Variants in MEN1 observed in about 807,000 individuals in gnomAD.
MEN1 encodes menin 1, also known as menin.
MEN1 carries 6 observed loss-of-function variants against 58.0 expected under a neutral mutation model. The ratio of observed to expected loss-of-function variants is 0.10; its 90% CI spans 0.06 to 0.20. The LOEUF (loss-of-function observed/expected upper bound fraction) is 0.20. Among genes scored for constraint, MEN1 ranks in the 10% least tolerant of loss-of-function variants. MEN1 has a pLI of 1.00. For synonymous variants in MEN1, 346 were observed against 350.7 expected (o/e 0.99, Z 0.15); for missense variants, 492 against 818.5 (o/e 0.60, Z 4.87).
chr11:64,807,068 A>T lies in MEN1; in HGVS notation c.855T>A (p.Asp285Glu). ...CAGGGGTGGGCTCCAGCTCCTCTAG[A>T]TCTGCCAGGTTCCCTAAGGCCATGG... The part of the protein sequence containing the change: ...RYPMALGNLA[D>E]LEELEPTPGR... The change falls in exon 6 of 10, where the codon GAT becomes GAA. Residue 285 changes from aspartate (D) to glutamate (E), a missense_variant. Around this residue, in one of 5 missense-constraint regions of MEN1, gnomAD observed 335 missense variants for 550.3 expected, o/e 0.61. Transcript: ENST00000450708. The surrounding 1 kb of genome is among the most constrained non-coding windows in gnomAD (Gnocchi z 4.9). The T allele has an allele frequency of 6.2e-7, 1 of 1,613,890 alleles. No homozygotes were observed. Among genetic ancestry groups the T allele is most frequent in the Non-Finnish European group, 8.5e-7 (1 of 1,180,000 alleles).
At chr11:64,805,272 C>T (rs909839950) in intron 8 of MEN1, 74 bp from the exon 9 acceptor site, 2 of 1,535,372 alleles carry the variant, frequency 1.3e-6, no homozygotes, top group East Asian at 2.3e-5. Context: ...GCCAGGCCCC[C>T]CACCTAGGCA....
At position 64,804,253 on chromosome 11, in the gene MEN1, TG is replaced by T. The variant is rs1352103616; in HGVS notation, c.*80del. 4 of 1,590,956 alleles carry T rather than the reference TG, an allele frequency of 2.5e-6. No individual in the cohort carries two copies. The highest frequency in any genetic ancestry group is 3.3e-5 in the Admixed American group (2 of 59,968). On this transcript the variant is annotated 3_prime_UTR_variant, in exon 10 of 10. Transcript: ENST00000450708. This position sits in a 1 kb window ranked among gnomAD's most constrained non-coding sequence, Gnocchi z 4.2. ...GAGGTGAGGCCTGTCCCCTTTGGGCTGGGGGCAGAACATGGGCTCAGAGTTG... is the reference window on the plus strand; with the variant it reads ...GAGGTGAGGCCTGTCCCCTTTGGGCTGGGGCAGAACATGGGCTCAGAGTTG...
Position 64,808,003 on chromosome 11 carries a change from T to C in MEN1, c.542A>G (p.His181Arg), listed in dbSNP as rs1941861451. The change falls in exon 3 of 10, where the codon CAT (histidine) becomes CGT (arginine). Residue 181 changes from histidine to arginine, a missense_variant. By Grantham distance (29) the His-to-Arg change is conservative. Transcript: ENST00000450708. ...ATTGGGCCCAAACACTACCCAGGCATGATCCTCAGACAGGGCGAGGTGGAC... is the reference window on the plus strand; with the variant it reads ...ATTGGGCCCAAACACTACCCAGGCACGATCCTCAGACAGGGCGAGGTGGAC... Reference protein sequence around the residue: ...RDVHLALSEDHAWVVFGPNGE... With the variant: ...RDVHLALSEDRAWVVFGPNGE... 1.9e-6 allele frequency: 3 copies of C among 1,614,144 alleles called. No individual in the cohort carries two copies. Among genetic ancestry groups the C allele is most frequent in the Non-Finnish European group, 2.5e-6 (3 of 1,180,024 alleles).
In MEN1 at chr11:64,805,835, A is replaced by T. The variant is rs537795635; in HGVS notation, c.1050-65T>A. The T allele has an allele frequency of 6.3e-7, 1 of 1,589,262 alleles. No individual in the cohort carries two copies. Among genetic ancestry groups the T allele is most frequent in the Non-Finnish European group, 8.6e-7 (1 of 1,158,700 alleles). On this transcript the variant is annotated intron_variant, in intron 7 of 9. Coordinates refer to ENST00000450708, the MANE Select transcript of MEN1 (RefSeq NM_001370259.2). ...CTCACCATCGGGGGTAGCCCCAGGGACCTGGCGGGGGATGGAGCCCCCAGG... is the reference window on the plus strand; with the variant it reads ...CTCACCATCGGGGGTAGCCCCAGGGTCCTGGCGGGGGATGGAGCCCCCAGG...
In MEN1 at chr11:64,807,868, A is replaced by G. The variant is rs2136147292; in HGVS notation, c.654+23T>C. On this transcript the variant is annotated intron_variant, in intron 3 of 9. Transcript: ENST00000450708. This position sits in a 1 kb window ranked among gnomAD's most constrained non-coding sequence, Gnocchi z 4.9. Reference sequence around the variant, plus strand: ...GGGCTACTACAGTATGAAGGGGACAAGGCTGGGGGGAGGGAACAATACCCG... The same window carrying G: ...GGGCTACTACAGTATGAAGGGGACAGGGCTGGGGGGAGGGAACAATACCCG... The G allele has an allele frequency of 6.2e-7, 1 of 1,613,712 alleles. No individual in the cohort carries two copies.
intron 1 of MEN1, 188 bp downstream of exon 1, chr11:64,810,326 C>G (rs1367423704): frequency 1.7e-6 from 1 of 589,138 alleles, no homozygotes; most frequent in African/African-American, 1.9e-5. Flanking sequence ...CCTTTTTGTC[C>G]CCCACAATTC....
At chr11:64,808,954 G>GA (rs11335918) in intron 2 of MEN1, among the ~76,000 whole-genome samples, 14 of 129,868 alleles carry the variant, frequency 1.1e-4, no homozygotes, top group East Asian at 4.5e-4. Context: ...GACGCCGTCT[G>GA]AAAAAAAAAA....
At chr11:64,805,286 AC>A in intron 8 of MEN1, 88 bp from the exon 9 acceptor site, 1 of 1,461,102 alleles carries the variant, frequency 6.8e-7, no homozygotes, top group South Asian at 1.3e-5. Flanking sequence ...CTAGGCAAAG[AC>A]CCCTGGCTCC....
chr11:64,809,326 C>T (rs1208334434), intron 2 of MEN1, among the ~76,000 whole-genome samples: 1 of 151,878 alleles, frequency 6.6e-6, no homozygotes, highest in African/African-American at 2.4e-5. Context: ...AAATGCAGCC[C>T]AATTTCATCT....
intron 2 of MEN1, among the ~76,000 whole-genome samples, chr11:64,809,263 CAA>C (rs11404218): frequency 1.2e-4 from 14 of 116,000 alleles, no homozygotes; most frequent in Admixed American, 4.6e-4. Context: ...GACCCTGTCT[CAA>C]AAAAAAAAAA....
chr11:64,803,754 G>A lies in MEN1; in HGVS notation c.*580C>T, dbSNP rs368065487. ...GGCTCAGGATGCTCATAGGCTGGGG[G>A]CGGAGTTTTGTGTCCCAGACTCGGG... On this transcript the variant is annotated 3_prime_UTR_variant, in exon 10 of 10. Coordinates refer to ENST00000450708, the MANE Select transcript of MEN1 (RefSeq NM_001370259.2). The A allele has an allele frequency of 2.0e-5, 5 of 245,102 alleles. No individual in the cohort carries two copies. Among genetic ancestry groups the A allele is most frequent in the South Asian group, 1.3e-4 (1 of 7,818 alleles). The allele number at this position is 245,102 out of a possible 1,614,324, so 15.2% of individuals were successfully genotyped here. A position where few individuals can be genotyped will look rare whatever the true frequency, so the allele number is the denominator to read the frequency against.
At chr11:64,808,126 G>A (rs762568418) in intron 2 of MEN1, 27 bp from the exon 3 acceptor site, 13 of 1,578,654 alleles carry the variant, frequency 8.2e-6, no homozygotes, top group African/African-American at 1.3e-5. Flanking sequence ...TAATGAAAGA[G>A]GGTCCTCTGT....
chr11:64,806,078 C>G, intron 7 of MEN1, 154 bp downstream of exon 7: 1 of 967,392 alleles, frequency 1.0e-6, no homozygotes, highest in Non-Finnish European at 1.6e-6. Flanking sequence ...AATCAGGGTC[C>G]CTACCTCCTG....
intron 1 of MEN1, 95 bp from the exon 2 acceptor site, chr11:64,810,227 A>T (rs1942040710): frequency 1.3e-5 from 10 of 749,276 alleles, no homozygotes; most frequent in Non-Finnish European, 2.1e-5. Flanking sequence ...CGACACACGC[A>T]CAGCTCCCCT....
At position 64,804,891 on chromosome 11, in the gene MEN1, C is replaced by T. The variant is rs1941584448; in HGVS notation, c.1351-75G>A. 5 of 1,595,812 alleles carry T rather than the reference C, an allele frequency of 3.1e-6. No individual in the cohort carries two copies. Among genetic ancestry groups the T allele is most frequent in the Non-Finnish European group, 4.2e-6 (5 of 1,178,410 alleles). On this transcript the variant is annotated intron_variant, in intron 9 of 9. Transcript: ENST00000450708. This position sits in a 1 kb window ranked among gnomAD's most constrained non-coding sequence, Gnocchi z 4.2. ...TGGAACTCCAGGACCCTGCTCTGGC[C>T]ATCCCATCCCACCCAGGGGGTCTCA... is the stretch of plus-strand genomic sequence containing the variant.
chr11:64,806,412 G>A, intron 6 of MEN1, 44 bp from the exon 7 acceptor site: 2 of 1,613,300 alleles, frequency 1.2e-6, no homozygotes, highest in Non-Finnish European at 1.7e-6. Context: ...GGCAGCCCCA[G>A]CTGCCCTGCT....
intron 2 of MEN1, among the ~76,000 whole-genome samples, chr11:64,808,826 T>C (rs1941920679): frequency 6.6e-6 from 1 of 151,900 alleles, no homozygotes. Context: ...CAGGCTCCTG[T>C]AGTCCCAGCT....
At chr11:64,805,268 C>T in intron 8 of MEN1, 70 bp from the exon 9 acceptor site, 1 of 1,546,648 alleles carries the variant, frequency 6.5e-7, no homozygotes, top group Non-Finnish European at 8.8e-7. Flanking sequence ...ACAGGCCAGG[C>T]CCCCCACCTA....
chr11:64,804,044 C>G lies in MEN1; in HGVS notation c.*290G>C. On this transcript the variant is annotated 3_prime_UTR_variant, in exon 10 of 10. Transcript: ENST00000450708. The surrounding 1 kb of genome is among the most constrained non-coding windows in gnomAD (Gnocchi z 4.2). The stretch of plus-strand genomic sequence containing the variant: ...CGGTTCCGAGGAGGAGCTTGGGTTT[C>G]TAGGGGCTGGGCCTTTAAAGACTGG... The G allele has an allele frequency of 2.1e-6, 1 of 484,752 alleles. No homozygotes were observed. Among genetic ancestry groups the G allele is most frequent in the East Asian group, 3.6e-5 (1 of 27,510 alleles). The allele number at this position is 484,752 out of a possible 1,614,324, so 30.0% of individuals were successfully genotyped here.
Sources: gnomAD v4.1 joint callset for allele counts (sites outside exome capture counted in the v4.1 genomes callset) on GRCh38, gnomAD v4.1.1 for gene constraint, gnomAD v4.1.1 regional missense constraint, Gnocchi (gnomAD v3.1) non-coding constraint, MANE v1.5 for transcripts, NCBI Gene and HGNC (gene_info 2026-07-23, HGNC 2026-07-21) for gene names.